QRSL1: variants seen among roughly 807,000 people sequenced by gnomAD.
QRSL1 encodes glutaminyl-tRNA amidotransferase subunit QRSL1.
Under a neutral mutation model 61.6 loss-of-function variants are expected in QRSL1, and 54 were observed. That is an observed-to-expected ratio of 0.88 (90% CI 0.70 to 1.10). The LOEUF (loss-of-function observed/expected upper bound fraction) is 1.10. Among genes scored for constraint, QRSL1 ranks in the 50% least tolerant of loss-of-function variants. The pLI is 0.00. For missense variants in QRSL1, 505 were observed against 622.6 expected (o/e 0.81, Z 2.01); for synonymous variants, 228 against 225.7 (o/e 1.01, Z -0.09).
rs1777467187 is a variant in QRSL1, at chr6:106,667,953, A to AT, written c.*1954dup. 1.9e-5 allele frequency: 2 copies of AT among 106,020 alleles called. No homozygotes were observed. Among genetic ancestry groups the AT allele is most frequent in the Non-Finnish European group, 2.2e-5 (1 of 46,284 alleles). 6.6% of individuals were successfully genotyped at this position (106,020 alleles called of 1,614,324 possible). ...GCCCCAATCTGTTTTTATGTAATGA[A>AT]TTTAAAAAAAAAGAGAGAGAGAGAG... On this transcript the variant is annotated 3_prime_UTR_variant, in exon 11 of 11. Transcript: ENST00000369046.
chr6:106,658,965 T>C (rs925607228), intron 9 of QRSL1, among the ~76,000 whole-genome samples: 10 of 151,152 alleles, frequency 6.6e-5, no homozygotes, highest in Non-Finnish European at 1.3e-4. Context: ...TCTTTTTTTT[T>C]CCCCCAGTCT....
intron 9 of QRSL1, among the ~76,000 whole-genome samples, chr6:106,658,628 T>C (rs1037453375): frequency 1.3e-5 from 2 of 152,234 alleles, no homozygotes; most frequent in Non-Finnish European, 2.9e-5. Context: ...CTGGCTTACA[T>C]AGTTTCTGAG....
At chr6:106,644,839 A>G (rs1777083584) in intron 4 of QRSL1, among the ~76,000 whole-genome samples, 1 of 152,162 alleles carries the variant, frequency 6.6e-6, no homozygotes, top group Admixed American at 6.6e-5. Context: ...TACCTAACAA[A>G]GGTCACAAAG....
chr6:106,662,352 C>T (rs1196004179), intron 9 of QRSL1, among the ~76,000 whole-genome samples: 2 of 152,088 alleles, frequency 1.3e-5, no homozygotes, highest in African/African-American at 4.8e-5. Context: ...AGAATTGCAT[C>T]TACTAGTGAA....
rs201592456 is a variant in QRSL1, at chr6:106,652,478, G to A, written c.745G>A (p.Gly249Arg). 278 of 1,614,136 alleles carry A rather than the reference G, an allele frequency of 1.7e-4. No homozygotes were observed. Among genetic ancestry groups the A allele is most frequent in the Non-Finnish European group, 2.2e-4 (259 of 1,180,022 alleles). The change falls in exon 7 of 11, where the codon GGA (glycine) becomes AGA (arginine). Residue 249 changes from glycine to arginine, a missense_variant. Physicochemically the swap from Gly to Arg is moderately radical, Grantham distance 125 (BLOSUM62 -2). Transcript: ENST00000369046. ...DAAIVLGALAGPDPRDSTTVH... is the reference protein window; with the variant it reads ...DAAIVLGALARPDPRDSTTVH... ...ATTGCTCCTTACAGGTGCACTGGCC[G>A]GACCTGACCCCAGGGACTCTACCAC...
intron 3 of QRSL1, among the ~76,000 whole-genome samples, chr6:106,641,941 A>C (rs1777026759): frequency 6.6e-6 from 1 of 152,270 alleles, no homozygotes; most frequent in Non-Finnish European, 1.5e-5. Flanking sequence ...ATACATTAGC[A>C]GTAGAAAAAA....
intron 4 of QRSL1, among the ~76,000 whole-genome samples, chr6:106,646,913 C>T (rs1053379805): frequency 4.8e-4 from 72 of 150,918 alleles, no homozygotes; most frequent in African/African-American, 1.6e-3. Context: ...CTGTAGTCCC[C>T]GCTACTCAGG....
intron 9 of QRSL1, 48 bp from the exon 10 acceptor site, chr6:106,662,931 AG>A: frequency 6.9e-7 from 1 of 1,441,958 alleles, no homozygotes. Flanking sequence ...ATTGATTAAA[AG>A]AAAAATACAA....
rs1777156359 is a variant in QRSL1 at position 106,649,103 on chromosome 6, GCAGAATCCC to G, written c.462_470del (p.Gln154_Pro156del). Reference sequence around the variant, plus strand: ...CAAAACAATATAGAGAAAAGAGGAAGCAGAATCCCCACAGCGAGAATGAAGATTCAGACT... The same window carrying G: ...CAAAACAATATAGAGAAAAGAGGAAGCACAGCGAGAATGAAGATTCAGACT... On this transcript the variant is annotated inframe_deletion, in exon 5 of 11. Transcript: ENST00000369046. 1 of 1,614,062 alleles carries G rather than the reference GCAGAATCCC, an allele frequency of 6.2e-7. No homozygotes were observed. The highest frequency in any genetic ancestry group is 8.5e-7 in the Non-Finnish European group (1 of 1,180,028).
intron 9 of QRSL1, among the ~76,000 whole-genome samples, chr6:106,657,460 C>G (rs1000474045): frequency 6.6e-6 from 1 of 151,998 alleles, no homozygotes; most frequent in Non-Finnish European, 1.5e-5. Context: ...TATCTCAGGG[C>G]ACAAGTTGAT....
Position 106,636,456 on chromosome 6 carries a change from A to G in QRSL1, c.25-3893A>G, listed in dbSNP as rs1157907088. 5.3e-5 allele frequency among the ~76,000 whole-genome samples: 8 copies of G among 151,938 alleles called. No individual in the cohort carries two copies. The East Asian group carries it at 1.2e-3, about 22-fold the overall frequency. On this transcript the variant is annotated intron_variant, in intron 1 of 10. Transcript: ENST00000369046. ...CTGCCTTAGCCTCCCAAGTAGCTGG[A>G]ACTACAGATGCACGCCACCACGCCC... is the stretch of plus-strand genomic sequence containing the variant.
chr6:106,665,752 A>G (rs1247670001), intron 10 of QRSL1, 30 bp from the exon 11 acceptor site: 2 of 1,584,218 alleles, frequency 1.3e-6, no homozygotes, highest in Admixed American at 1.7e-5. Context: ...TGGAGAATTA[A>G]TCACCTACTG....
intron 1 of QRSL1, among the ~76,000 whole-genome samples, chr6:106,631,323 T>TC (rs1776826615): frequency 6.6e-6 from 1 of 152,226 alleles, no homozygotes; most frequent in Admixed American, 6.5e-5. Context: ...ATTTCCTTTT[T>TC]CTGCCTTTTC....
chr6:106,661,520 C>T (rs938389774), intron 9 of QRSL1, among the ~76,000 whole-genome samples: 1 of 151,998 alleles, frequency 6.6e-6, no homozygotes, highest in African/African-American at 2.4e-5. Flanking sequence ...TCTCTGTAGA[C>T]CTGGTGGTCA....
chr6:106,636,455 G>A (rs1776922623), intron 1 of QRSL1, among the ~76,000 whole-genome samples: 1 of 151,994 alleles, frequency 6.6e-6, no homozygotes, highest in South Asian at 2.1e-4. Flanking sequence ...CAAGTAGCTG[G>A]AACTACAGAT....
intron 7 of QRSL1, among the ~76,000 whole-genome samples, chr6:106,654,409 A>G (rs1777235689): frequency 6.6e-6 from 1 of 150,874 alleles, no homozygotes; most frequent in Non-Finnish European, 1.5e-5. Context: ...TTTAACATAT[A>G]TGCTGATATA....
rs148734046 is a variant in QRSL1, at chr6:106,652,494, A to T, written c.761A>T (p.Asp254Val). ...LGALAGPDPR[D>V]STTVHEPINK... The stretch of plus-strand genomic sequence containing the variant: ...GCACTGGCCGGACCTGACCCCAGGG[A>T]CTCTACCACAGTACATGAACCTATT... The change falls in exon 7 of 11, where the codon GAC (aspartate) becomes GTC (valine). Residue 254 changes from aspartate (D) to valine (V), a missense_variant. By Grantham distance (152) the Asp-to-Val change is radical (BLOSUM62 -3). Coordinates refer to ENST00000369046, the MANE Select transcript of QRSL1 (RefSeq NM_018292.5). The T allele has an allele frequency of 4.0e-5, 64 of 1,614,056 alleles. No homozygotes were observed. Among genetic ancestry groups the T allele is most frequent in the Non-Finnish European group, 5.1e-5 (60 of 1,180,042 alleles).
intron 7 of QRSL1, chr6:106,652,931 T>A: frequency 1.8e-6 from 1 of 568,076 alleles, no homozygotes; most frequent in Non-Finnish European, 2.9e-6. Context: ...CCACAGACAA[T>A]ATGTAAATGA....
chr6:106,639,041 G>A (rs774487560), intron 1 of QRSL1, among the ~76,000 whole-genome samples: 6 of 150,996 alleles, frequency 4.0e-5, no homozygotes, highest in Non-Finnish European at 1.5e-5. Context: ...ATCACTCAAG[G>A]TTTCTGAGCT....
Sources: gnomAD v4.1 joint callset for allele counts (sites outside exome capture counted in the v4.1 genomes callset) on GRCh38, gnomAD v4.1.1 for gene constraint, MANE v1.5 for transcripts, NCBI Gene and HGNC (gene_info 2026-07-23, HGNC 2026-07-21) for gene names.